Variants in LPP observed in about 807,000 individuals in gnomAD.
The protein encoded by LPP is lipoma-preferred partner.
In LPP, 38 loss-of-function variants were observed where a neutral mutation model predicts 60.4. That is an observed-to-expected ratio of 0.63 (90% CI 0.49 to 0.83). The LOEUF is 0.83. LPP is among the 40% of genes least tolerant of loss of function. LPP has a pLI of 0.00. For missense variants in LPP, 902 were observed against 783.6 expected (o/e 1.15, Z -1.80); for synonymous variants, 328 against 290.8 (o/e 1.13, Z -1.30).
intron 7 of LPP, among the ~76,000 whole-genome samples, chr3:188,648,143 T>C (rs1851439815): frequency 6.6e-6 from 1 of 152,192 alleles, no homozygotes; most frequent in African/African-American, 2.4e-5. Context: ...TGCATTATAG[T>C]AGTACTTTAG....
chr3:188,886,377 G>A lies in LPP; in HGVS notation c.*11898G>A, dbSNP rs1417152121. On this transcript the variant is annotated 3_prime_UTR_variant, in exon 12 of 12. Transcript: ENST00000617246. The stretch of plus-strand genomic sequence containing the variant: ...TGAGGCTTGATGAATATTGTGGCCA[G>A]TGAGTGGAAAATGATTCTTGTCGAA... 1 of 180,282 alleles carries A rather than the reference G, an allele frequency of 5.5e-6. No individual in the cohort carries two copies. Among genetic ancestry groups the A allele is most frequent in the African/African-American group, 2.4e-5 (1 of 41,282 alleles). 11.2% of individuals were successfully genotyped at this position (180,282 alleles called of 1,614,324 possible).
Position 188,397,490 on chromosome 3 carries a change from T to G in LPP, c.-9-8622T>G, listed in dbSNP as rs532654651. Among the ~76,000 whole-genome samples the G allele has an allele frequency of 3.0e-4, 45 of 152,310 alleles. 1 individual carries two copies. Among genetic ancestry groups the G allele is most frequent in the African/African-American group, 1.0e-3 (42 of 41,566 alleles). ...TTGTTCCGTCCTTAACCTTCTCTCCTGAGAGTCCTGATCTTTCAGTGCTGT... is the reference window on the plus strand; with the variant it reads ...TTGTTCCGTCCTTAACCTTCTCTCCGGAGAGTCCTGATCTTTCAGTGCTGT... On this transcript the variant is annotated intron_variant, in intron 3 of 11. Coordinates refer to ENST00000617246, the MANE Select transcript of LPP (RefSeq NM_001375462.1).
chr3:188,802,003 T>G (rs1020136858), intron 9 of LPP, among the ~76,000 whole-genome samples: 1 of 152,230 alleles, frequency 6.6e-6, no homozygotes, highest in African/African-American at 2.4e-5. Context: ...GTTAATATTT[T>G]TAGTATTTTA....
intron 5 of LPP, among the ~76,000 whole-genome samples, chr3:188,517,994 A>G (rs1031079912): frequency 6.6e-6 from 1 of 152,068 alleles, no homozygotes; most frequent in Non-Finnish European, 1.5e-5. Flanking sequence ...GCTCTCTCTC[A>G]CCATATGACA....
chr3:188,186,728 T>G (rs1449060390), intron 1 of LPP, among the ~76,000 whole-genome samples: 2 of 152,190 alleles, frequency 1.3e-5, no homozygotes, highest in Non-Finnish European at 2.9e-5. Context: ...AGTCAACCAC[T>G]TGTAACCATT....
intron 2 of LPP, among the ~76,000 whole-genome samples, chr3:188,302,418 A>G (rs950459912): frequency 1.1e-4 from 17 of 152,202 alleles, no homozygotes; most frequent in African/African-American, 3.6e-4. Context: ...TCTGAAAAGG[A>G]TCCTGCAAAT....
chr3:188,551,282 T>G (rs1340915058), intron 6 of LPP, among the ~76,000 whole-genome samples: 1 of 152,124 alleles, frequency 6.6e-6, no homozygotes, highest in African/African-American at 2.4e-5. Flanking sequence ...CCATCAGATC[T>G]CATAAGACTT....
chr3:188,486,289 A>G (rs367684165), intron 5 of LPP, among the ~76,000 whole-genome samples: 139 of 152,332 alleles, frequency 9.1e-4, no homozygotes, highest in African/African-American at 3.3e-3. Context: ...CGCTCAACAA[A>G]TATTCTGTAT....
At chr3:188,784,149 C>T (rs1435803076) in intron 9 of LPP, among the ~76,000 whole-genome samples, 1 of 151,676 alleles carries the variant, frequency 6.6e-6, no homozygotes, top group African/African-American at 2.4e-5. Context: ...GGCTTAGCTC[C>T]CACATATCAG....
At chr3:188,442,067 A>G (rs1794121117) in intron 4 of LPP, among the ~76,000 whole-genome samples, 2 of 152,194 alleles carry the variant, frequency 1.3e-5, no homozygotes, top group Admixed American at 1.3e-4. Flanking sequence ...GCTTAGCAAT[A>G]ACTATTGAAT....
At chr3:188,238,721 A>G (rs911457873) in intron 2 of LPP, among the ~76,000 whole-genome samples, 2 of 152,306 alleles carry the variant, frequency 1.3e-5, no homozygotes, top group East Asian at 1.9e-4. Context: ...GTCACATCGA[A>G]TATCACTGAT....
chr3:188,285,430 AT>A (rs1743609922), intron 2 of LPP, among the ~76,000 whole-genome samples: 2 of 151,736 alleles, frequency 1.3e-5, no homozygotes, highest in Non-Finnish European at 2.9e-5. Flanking sequence ...CCTCTTTTTT[AT>A]TTCCTGAGAC....
chr3:188,651,540 A>G lies in LPP; in HGVS notation c.1113+41696A>G, dbSNP rs548031431. On this transcript the variant is annotated intron_variant, in intron 7 of 11. Transcript: ENST00000617246. ...CCGTTTTCACGCTGCTGATAAAGACATACCTGAGACTGGACAATTTACAAA... is the reference window on the plus strand; with the variant it reads ...CCGTTTTCACGCTGCTGATAAAGACGTACCTGAGACTGGACAATTTACAAA... Among the ~76,000 whole-genome samples, 218 of 152,328 alleles carry G rather than the reference A, an allele frequency of 1.4e-3. 1 individual carries two copies. The highest frequency in any genetic ancestry group is 2.2e-3 in the Non-Finnish European group (151 of 68,016).
intron 7 of LPP, among the ~76,000 whole-genome samples, chr3:188,647,315 T>C (rs999350408): frequency 1.3e-5 from 2 of 152,158 alleles, no homozygotes; most frequent in Non-Finnish European, 2.9e-5. Context: ...AAAGAGCGTC[T>C]GCTGCGGTGC....
At chr3:188,250,806 T>C (rs1390200210) in intron 2 of LPP, among the ~76,000 whole-genome samples, 2 of 138,418 alleles carry the variant, frequency 1.4e-5, no homozygotes, top group African/African-American at 5.8e-5. Context: ...CTTTCTTTCT[T>C]TCTCTTTCTT....
At chr3:188,672,923 A>G (rs1857231001) in intron 7 of LPP, among the ~76,000 whole-genome samples, 1 of 151,040 alleles carries the variant, frequency 6.6e-6, no homozygotes, top group South Asian at 2.1e-4. Context: ...TTAGTTTTTG[A>G]CTTCCATTTC....
chr3:188,650,438 T>C (rs1371494854), intron 7 of LPP, among the ~76,000 whole-genome samples: 2 of 152,202 alleles, frequency 1.3e-5, no homozygotes, highest in African/African-American at 4.8e-5. Context: ...TCTTCTGATA[T>C]CATGAGACAT....
At chr3:188,260,180 C>T (rs1024580320) in intron 2 of LPP, among the ~76,000 whole-genome samples, 18 of 152,048 alleles carry the variant, frequency 1.2e-4, no homozygotes, top group African/African-American at 4.1e-4. Context: ...GCTAGGATTA[C>T]AGGCATGCAC....
In LPP at chr3:188,377,237, A is replaced by G. The variant is rs1434601863; in HGVS notation, c.-9-28875A>G. Among the ~76,000 whole-genome samples, 6 of 152,170 alleles carry G rather than the reference A, an allele frequency of 3.9e-5. No homozygotes were observed. The East Asian group carries it at 1.2e-3, about 29-fold the overall frequency. Reference sequence around the variant, plus strand: ...TTGTGGCATTCTCTGTATTTCCTGAATTTGAATGTTGGCCTGCCTTGCTAG... The same window carrying G: ...TTGTGGCATTCTCTGTATTTCCTGAGTTTGAATGTTGGCCTGCCTTGCTAG... On this transcript the variant is annotated intron_variant, in intron 3 of 11. Coordinates refer to ENST00000617246, the MANE Select transcript of LPP (RefSeq NM_001375462.1).
Sources: gnomAD v4.1 joint callset for allele counts (sites outside exome capture counted in the v4.1 genomes callset) on GRCh38, gnomAD v4.1.1 for gene constraint, MANE v1.5 for transcripts, NCBI Gene and HGNC (gene_info 2026-07-23, HGNC 2026-07-21) for gene names.